SUCO: variants seen among roughly 807,000 people sequenced by gnomAD.
The protein encoded by SUCO is SUN domain containing ossification factor, also known as SUN domain-containing ossification factor.
SUCO carries 57 observed loss-of-function variants against 148.1 expected under a neutral mutation model. That is an observed-to-expected ratio of 0.38 (90% CI 0.31 to 0.48). The LOEUF (loss-of-function observed/expected upper bound fraction) is 0.48. SUCO is among the 20% of genes least tolerant of loss of function. The pLI, the probability that SUCO is intolerant of heterozygous loss-of-function variation, is 0.96. For synonymous variants in SUCO, 470 were observed against 502.7 expected (o/e 0.93, Z 0.87); for missense variants, 1,331 against 1,468.2 (o/e 0.91, Z 1.53).
At chr1:172,532,860 A>C, upstream of SUCO, 4 of 1,526,672 alleles carry the variant, frequency 2.6e-6, no homozygotes, top group Middle Eastern at 2.0e-4. Flanking sequence ...TCTGAACGCA[A>C]GCCAGCAAGT....
chr1:172,556,081 A>G, intron 4 of SUCO, 58 bp downstream of exon 4: 2 of 1,420,994 alleles, frequency 1.4e-6, no homozygotes, highest in South Asian at 2.5e-5. Context: ...TGATAGAAAA[A>G]TTTCCTTAAA....
chr1:172,544,122 A>G (rs1652696505), intron 1 of SUCO: 4 of 967,188 alleles, frequency 4.1e-6, no homozygotes, highest in South Asian at 4.8e-5. Flanking sequence ...AAAAACTACA[A>G]TTTTCACTGA....
Position 172,557,753 on chromosome 1 carries a change from C to T in SUCO, c.691C>T (p.Pro231Ser), listed in dbSNP as rs1284232477. ...VSASEQGGGD[P>S]KSALNASDNL... ...AGCAAGTGAACAGGGCGGTGGTGAT[C>T]CAAAATCTGCATTGAATGCTTCAGA... is the stretch of plus-strand genomic sequence containing the variant. Residue 231 changes from proline to serine, a missense_variant, in exon 6 of 24, where the codon CCA becomes TCA. Around this residue, in one of 3 missense-constraint regions of SUCO, gnomAD observed 992 missense variants for 1,093.5 expected, o/e 0.91. Transcript: ENST00000263688. 6 of 1,606,408 alleles carry T rather than the reference C, an allele frequency of 3.7e-6. No individual in the cohort carries two copies. Among genetic ancestry groups the T allele is most frequent in the Non-Finnish European group, 5.1e-6 (6 of 1,178,030 alleles).
chr1:172,607,974 T>G, intron 22 of SUCO: 1 of 490,420 alleles, frequency 2.0e-6, no homozygotes, highest in Non-Finnish European at 2.6e-6. Flanking sequence ...AGACCTTAAA[T>G]TGTTTATTTT....
chr1:172,538,659 C>T (rs372308983), intron 1 of SUCO, among the ~76,000 whole-genome samples: 2 of 151,768 alleles, frequency 1.3e-5, no homozygotes, highest in African/African-American at 4.8e-5. Context: ...CATTTGATGC[C>T]TTTTTTTTCT....
At chr1:172,560,626 T>A (rs760994605) in intron 6 of SUCO, among the ~76,000 whole-genome samples, 7 of 152,200 alleles carry the variant, frequency 4.6e-5, no homozygotes, top group Non-Finnish European at 8.8e-5. Context: ...CCTGCCAGAA[T>A]TAATCCTATT....
At chr1:172,532,644 A>C, upstream of SUCO, 1 of 1,614,050 alleles carries the variant, frequency 6.2e-7, no homozygotes, top group Non-Finnish European at 8.5e-7. Context: ...AACAGTTCCA[A>C]AGCTGATCAG....
At chr1:172,583,881 G>C (rs923820433) in intron 15 of SUCO, among the ~76,000 whole-genome samples, 15 of 152,074 alleles carry the variant, frequency 9.9e-5, no homozygotes, top group African/African-American at 3.4e-4. Flanking sequence ...CTGATATTTT[G>C]TTATGCTCAT....
At chr1:172,573,210 TTCTC>T (rs1216658474) in intron 9 of SUCO, among the ~76,000 whole-genome samples, 2 of 152,192 alleles carry the variant, frequency 1.3e-5, no homozygotes, top group Non-Finnish European at 2.9e-5. Context: ...TCTTTGTAAT[TTCTC>T]TCAAACTCTC....
chr1:172,565,160 G>A (rs1654466241), intron 6 of SUCO, among the ~76,000 whole-genome samples: 1 of 152,170 alleles, frequency 6.6e-6, no homozygotes, highest in African/African-American at 2.4e-5. Context: ...CTAGGAAAGG[G>A]TTGCCAAAGT....
At chr1:172,571,417 A>G (rs1362326673) in intron 9 of SUCO, among the ~76,000 whole-genome samples, 18 of 150,572 alleles carry the variant, frequency 1.2e-4, no homozygotes, top group Non-Finnish European at 8.9e-5. Flanking sequence ...TACAACCTCC[A>G]CCTCCCAGCC....
chr1:172,556,071 T>G, intron 4 of SUCO, 48 bp downstream of exon 4: 1 of 1,487,220 alleles, frequency 6.7e-7, no homozygotes, highest in Non-Finnish European at 9.2e-7. Context: ...CCTTAGTTAG[T>G]GATAGAAAAA....
At chr1:172,556,181 A>G (rs1038886847) in intron 4 of SUCO, among the ~76,000 whole-genome samples, 158 bp downstream of exon 4, 1 of 152,182 alleles carries the variant, frequency 6.6e-6, no homozygotes, top group African/African-American at 2.4e-5. Context: ...GTATGTGTGC[A>G]TGCGTTTGTG....
intron 1 of SUCO, among the ~76,000 whole-genome samples, chr1:172,548,300 T>A (rs1490962541): frequency 6.6e-6 from 1 of 151,960 alleles, no homozygotes; most frequent in African/African-American, 2.4e-5. Flanking sequence ...CATATTGTGT[T>A]AATTCCCATT....
intron 6 of SUCO, among the ~76,000 whole-genome samples, chr1:172,561,427 G>A (rs1654144192): frequency 6.6e-6 from 1 of 152,154 alleles, no homozygotes; most frequent in Non-Finnish European, 1.5e-5. Flanking sequence ...TCCTGGGGAT[G>A]TTGATGACGA....
chr1:172,538,831 T>C (rs1558167717), intron 1 of SUCO, among the ~76,000 whole-genome samples: 2 of 152,316 alleles, frequency 1.3e-5, no homozygotes, highest in South Asian at 2.1e-4. Context: ...GGTCATACAG[T>C]GTCAGATCCC....
intron 19 of SUCO, 56 bp downstream of exon 19, chr1:172,591,127 G>T: frequency 7.7e-7 from 1 of 1,299,962 alleles, no homozygotes; most frequent in South Asian, 1.3e-5. Flanking sequence ...GAATTCTGTA[G>T]GGTCTCACTG....
rs1470217208 is a variant in SUCO at position 172,589,268 on chromosome 1, C to T, written c.2167C>T (p.Pro723Ser). 1 of 1,613,656 alleles carries T rather than the reference C, an allele frequency of 6.2e-7. No homozygotes were observed. Among genetic ancestry groups the T allele is most frequent in the African/African-American group, 1.3e-5 (1 of 74,894 alleles). Residue 723 changes from proline (P) to serine (S), a missense_variant, in exon 18 of 24, where the codon CCA (proline) becomes TCA (serine). This residue lies in a region of SUCO where 992 missense variants were observed against 1,093.5 expected (regional missense o/e 0.91). Coordinates refer to ENST00000263688, the MANE Select transcript of SUCO (RefSeq NM_014283.5). ...CACTGTAGATGCAGTTGAACTTGAA[C>T]CAAGCCATTCTCAAACTCTTTCTCA... ...NHTVDAVELE[P>S]SHSQTLSQSL... is the part of the protein sequence containing the mutation.
chr1:172,589,817 C>G lies in SUCO; in HGVS notation c.2716C>G (p.His906Asp). Residue 906 changes from histidine to aspartate, a missense_variant, in exon 18 of 24, where the codon CAT becomes GAT. His to Asp is a moderately conservative substitution (Grantham distance 81). Coordinates refer to ENST00000263688, the MANE Select transcript of SUCO (RefSeq NM_014283.5). ...DLGYANGNLV[H>D]GSNQKESVFM... is the part of the protein sequence containing the mutation. ...AGGATATGCTAATGGAAATCTTGTA[C>G]ATGGATCAAACCAAAAGGAGTCAGT... 3 of 1,610,328 alleles carry G rather than the reference C, an allele frequency of 1.9e-6. No homozygotes were observed. The highest frequency in any genetic ancestry group is 2.5e-6 in the Non-Finnish European group (3 of 1,178,830).
Sources: gnomAD v4.1 joint callset for allele counts (sites outside exome capture counted in the v4.1 genomes callset) on GRCh38, gnomAD v4.1.1 for gene constraint, gnomAD v4.1.1 regional missense constraint, MANE v1.5 for transcripts, NCBI Gene and HGNC (gene_info 2026-07-23, HGNC 2026-07-21) for gene names.